The following NRXN1 variants were observed in gnomAD, a reference collection of about 807,000 sequenced individuals.
NRXN1 encodes the protein neurexin 1.
In NRXN1, 39 loss-of-function variants were observed where a neutral mutation model predicts 150.9. The observed-to-expected ratio is 0.26, with a 90% CI of 0.20 to 0.34. The LOEUF is 0.34. NRXN1 is among the 10% of genes least tolerant of loss of function. The pLI, the probability that NRXN1 is intolerant of heterozygous loss-of-function variation, is 1.00. For missense variants in NRXN1, 1,815 were observed against 1,949.9 expected (o/e 0.93, Z 1.30); for synonymous variants, 924 against 757.0 (o/e 1.22, Z -3.62).
intron 12 of NRXN1, among the ~76,000 whole-genome samples, chr2:50,520,626 T>G (rs1330455967): frequency 6.6e-6 from 1 of 151,998 alleles, no homozygotes; most frequent in African/African-American, 2.4e-5. Context: ...ACTTCTTCAC[T>G]GCCTATTGGC....
chr2:50,617,406 C>A (rs1679236396), intron 8 of NRXN1, among the ~76,000 whole-genome samples: 1 of 151,174 alleles, frequency 6.6e-6, no homozygotes, highest in South Asian at 2.1e-4. Flanking sequence ...ACTACACTCC[C>A]CTGGGGAACA....
intron 8 of NRXN1, among the ~76,000 whole-genome samples, chr2:50,559,487 C>T (rs2105382082): frequency 6.6e-6 from 1 of 152,244 alleles, no homozygotes; most frequent in South Asian, 2.1e-4. Flanking sequence ...GTGCATATGC[C>T]TAGTTCCACA....
chr2:50,741,986 T>C (rs1699480016), intron 5 of NRXN1, among the ~76,000 whole-genome samples: 1 of 152,112 alleles, frequency 6.6e-6, no homozygotes, highest in African/African-American at 2.4e-5. Context: ...CTTTAATAAG[T>C]TGGTGTTTAC....
intron 17 of NRXN1, among the ~76,000 whole-genome samples, chr2:50,309,657 G>A (rs2074993862): frequency 1.3e-5 from 2 of 152,136 alleles, no homozygotes; most frequent in Non-Finnish European, 2.9e-5. Flanking sequence ...AGAAAAGGAA[G>A]AGAGGCGACA....
intron 9 of NRXN1, among the ~76,000 whole-genome samples, chr2:50,540,004 C>A (rs554279524): frequency 2.9e-4 from 44 of 152,274 alleles, no homozygotes; most frequent in African/African-American, 8.9e-4. Context: ...CAGGAGTATT[C>A]CAAATCCCAG....
chr2:49,957,233 C>T (rs939263774), intron 21 of NRXN1, among the ~76,000 whole-genome samples: 2 of 151,978 alleles, frequency 1.3e-5, no homozygotes, highest in Non-Finnish European at 2.9e-5. Context: ...GGATTTCTTT[C>T]GATGTAAAAG....
chr2:50,972,362 A>C (rs1020392690), intron 2 of NRXN1, among the ~76,000 whole-genome samples: 3 of 152,102 alleles, frequency 2.0e-5, no homozygotes, highest in Non-Finnish European at 4.4e-5. Flanking sequence ...GGCTGCCACC[A>C]ATCTATATGC....
At chr2:50,487,945 C>A (rs1301748919) in intron 15 of NRXN1, among the ~76,000 whole-genome samples, 1 of 152,150 alleles carries the variant, frequency 6.6e-6, no homozygotes, top group Non-Finnish European at 1.5e-5. Flanking sequence ...GCTTTGCTAC[C>A]TCATGTACTC....
At chr2:49,929,281 C>A (rs932053153) in intron 22 of NRXN1, among the ~76,000 whole-genome samples, 1 of 152,176 alleles carries the variant, frequency 6.6e-6, no homozygotes, top group African/African-American at 2.4e-5. Context: ...CTTGGTGACA[C>A]TGAAGACAAA....
intron 13 of NRXN1, among the ~76,000 whole-genome samples, chr2:50,499,685 C>T (rs952069031): frequency 1.3e-5 from 2 of 152,070 alleles, no homozygotes; most frequent in African/African-American, 2.4e-5. Flanking sequence ...CGGTGGCTCA[C>T]GCCTGTAATC....
intron 17 of NRXN1, among the ~76,000 whole-genome samples, chr2:50,308,441 C>A (rs562131508): frequency 6.6e-6 from 1 of 152,256 alleles, no homozygotes; most frequent in South Asian, 2.1e-4. Flanking sequence ...AGTCTTCCTG[C>A]CTCAGCCTCC....
chr2:50,889,077 T>A (rs1392414625), intron 5 of NRXN1, among the ~76,000 whole-genome samples: 2 of 151,718 alleles, frequency 1.3e-5, no homozygotes, highest in Non-Finnish European at 3.0e-5. Context: ...TCATGTTTAA[T>A]CACAACTTGA....
chr2:50,318,164 A>G (rs2075758000), intron 17 of NRXN1, among the ~76,000 whole-genome samples: 1 of 152,128 alleles, frequency 6.6e-6, no homozygotes, highest in African/African-American at 2.4e-5. Context: ...ATGTGAACAG[A>G]TATTTCACAG....
rs978237539 is a variant in NRXN1, at chr2:50,786,999, G to A, written c.832+134870C>T. Among the ~76,000 whole-genome samples the A allele has an allele frequency of 3.3e-5, 5 of 152,264 alleles. No homozygotes were observed. The South Asian group carries it at 8.3e-4, about 25-fold the overall frequency. On this transcript the variant is annotated intron_variant, in intron 5 of 22. Coordinates refer to ENST00000401669, the MANE Select transcript of NRXN1 (RefSeq NM_001330078.2). ...GCAAATGCAATATGCAAAGATGAAT[G>A]CATTTACAGCTGTAGCTTGCATTGC...
rs79765924 is a variant in NRXN1 at position 50,655,588 on chromosome 2, T to C, written c.833-31973A>G. On this transcript the variant is annotated intron_variant, in intron 5 of 22. Transcript: ENST00000401669. ...GCTGTGGCTTAGTTTAAGAGCTACA[T>C]CTGGCATTTTGGTAGGAACAAACTA... Among the ~76,000 whole-genome samples, 764 of 152,004 alleles carry C rather than the reference T, an allele frequency of 5.0e-3. 5 individuals carry two copies. Among genetic ancestry groups the C allele is most frequent in the African/African-American group, 0.017 (701 of 41,438 alleles).
At chr2:50,816,854 G>A (rs1669008666) in intron 5 of NRXN1, among the ~76,000 whole-genome samples, 1 of 152,028 alleles carries the variant, frequency 6.6e-6, no homozygotes, top group East Asian at 1.9e-4. Flanking sequence ...TTTCCTCCAA[G>A]ATATTAAAAC....
At chr2:50,192,009 C>A (rs1316428837) in intron 18 of NRXN1, among the ~76,000 whole-genome samples, 1 of 151,976 alleles carries the variant, frequency 6.6e-6, no homozygotes, top group Non-Finnish European at 1.5e-5. Flanking sequence ...AGAGGGCATA[C>A]TTTCATAAAG....
chr2:49,943,651 T>C, intron 22 of NRXN1, 53 bp downstream of exon 22: 2 of 1,225,222 alleles, frequency 1.6e-6, no homozygotes, highest in Non-Finnish European at 2.4e-6. Context: ...GAATATAACA[T>C]GCAACAAAGA....
chr2:50,888,817 A>C (rs1680642131), intron 5 of NRXN1, among the ~76,000 whole-genome samples: 1 of 151,676 alleles, frequency 6.6e-6, no homozygotes, highest in South Asian at 2.1e-4. Context: ...GATAATTAGC[A>C]CAAATCATTA....
Sources: allele counts gnomAD v4.1 joint callset (sites outside exome capture counted in the v4.1 genomes callset), GRCh38; gene constraint gnomAD v4.1.1; transcripts MANE v1.5; gene names NCBI Gene and HGNC (gene_info 2026-07-23, HGNC 2026-07-21).